Variants in FAM53B observed in about 807,000 individuals in gnomAD.
FAM53B encodes family with sequence similarity 53 member B.
A neutral mutation model predicts 32.7 loss-of-function variants in FAM53B; 12 were observed. The ratio of observed to expected loss-of-function variants is 0.37; its 90% CI spans 0.24 to 0.59. FAM53B has a LOEUF of 0.59. FAM53B is among the 20% of genes least tolerant of loss of function. FAM53B has a pLI of 0.72. For missense variants in FAM53B, 477 were observed against 577.7 expected (o/e 0.83, Z 1.79); for synonymous variants, 234 against 228.7 (o/e 1.02, Z -0.21).
intron 1 of FAM53B, chr10:124,714,242 G>A (rs1950024458): frequency 6.6e-6 from 1 of 152,106 alleles, no homozygotes; most frequent in Non-Finnish European, 1.5e-5. Context: ...GTTGAAAGCT[G>A]CCTAAGAACT....
At chr10:124,713,933 C>A (rs1326766901) in intron 1 of FAM53B, 1 of 152,196 alleles carries the variant, frequency 6.6e-6, no homozygotes, top group Admixed American at 6.5e-5. Context: ...AGCAATTCCA[C>A]AAGGTCTTTG....
intron 1 of FAM53B, among the ~76,000 whole-genome samples, chr10:124,732,792 T>C (rs1950152572): frequency 6.6e-6 from 1 of 151,132 alleles, no homozygotes; most frequent in Non-Finnish European, 1.5e-5. Context: ...ACGCCACTGC[T>C]GCACTCCAGC....
At chr10:124,631,917 T>C (rs1211537097) in intron 4 of FAM53B, among the ~76,000 whole-genome samples, 1 of 152,186 alleles carries the variant, frequency 6.6e-6, no homozygotes, top group African/African-American at 2.4e-5. Context: ...CAGGGAACCC[T>C]GACCCCACAT....
At chr10:124,735,874 A>G (rs1488204889) in intron 1 of FAM53B, among the ~76,000 whole-genome samples, 1 of 152,256 alleles carries the variant, frequency 6.6e-6, no homozygotes, top group East Asian at 1.9e-4. Context: ...ATGGCGGGCA[A>G]AGGGCAGACC....
At chr10:124,706,202 CT>C (rs779967532) in intron 2 of FAM53B, among the ~76,000 whole-genome samples, 117 of 152,334 alleles carry the variant, frequency 7.7e-4, no homozygotes, top group Middle Eastern at 3.4e-3. Flanking sequence ...ACCACACCTT[CT>C]TTCCCCATCA....
At chr10:124,659,415 A>T (rs1949615064) in intron 4 of FAM53B, among the ~76,000 whole-genome samples, 1 of 152,248 alleles carries the variant, frequency 6.6e-6, no homozygotes, top group South Asian at 2.1e-4. Flanking sequence ...CAGAGCTAAT[A>T]GCAGTGGTGG....
intron 2 of FAM53B, among the ~76,000 whole-genome samples, chr10:124,697,587 G>C (rs944467437): frequency 6.6e-6 from 1 of 152,152 alleles, no homozygotes; most frequent in Admixed American, 6.5e-5. Flanking sequence ...AGAGGTGAAG[G>C]AGGGCTCACT....
At chr10:124,719,439 C>T (rs76999455) in intron 1 of FAM53B, among the ~76,000 whole-genome samples, 221 of 152,294 alleles carry the variant, frequency 1.5e-3, no homozygotes, top group African/African-American at 5.0e-3. Flanking sequence ...GAACTCTTCT[C>T]GGCTTTTCGT....
intron 1 of FAM53B, among the ~76,000 whole-genome samples, chr10:124,711,318 C>T (rs1007010769): frequency 5.3e-5 from 8 of 151,934 alleles, no homozygotes; most frequent in African/African-American, 1.2e-4. Context: ...GGGGATGGGG[C>T]GTGGGAGCAG....
In FAM53B at chr10:124,619,845, ACCACC is replaced by A; in HGVS notation, c.*3392_*3396del. The A allele has an allele frequency of 6.6e-6, 1 of 152,424 alleles. No individual in the cohort carries two copies. The highest frequency in any genetic ancestry group is 2.1e-4 in the South Asian group (1 of 4,814). The allele number at this position is 152,424 out of a possible 1,614,324, so 9.4% of individuals were successfully genotyped here. A position where few individuals can be genotyped will look rare whatever the true frequency, so the allele number is the denominator to read the frequency against. On this transcript the variant is annotated 3_prime_UTR_variant, in exon 5 of 5. Transcript: ENST00000337318. ...GTCTGGAGTGACCGTCATTCCAGTG[ACCACC>A]CCCATAGCCACAGACGGCACGTCAG...
At chr10:124,632,734 T>C (rs1589731326) in intron 4 of FAM53B, among the ~76,000 whole-genome samples, 1 of 152,210 alleles carries the variant, frequency 6.6e-6, no homozygotes, top group African/African-American at 2.4e-5. Flanking sequence ...GTTTAGCCAC[T>C]CTTGCAGATG....
At chr10:124,729,958 C>T (rs1950130260) in intron 1 of FAM53B, among the ~76,000 whole-genome samples, 1 of 152,206 alleles carries the variant, frequency 6.6e-6, no homozygotes, top group Admixed American at 6.5e-5. Flanking sequence ...CCAAGCAAGA[C>T]AAGAGCTACA....
intron 2 of FAM53B, chr10:124,704,344 T>C (rs1430029095): frequency 6.6e-6 from 1 of 152,168 alleles, no homozygotes; most frequent in African/African-American, 2.4e-5. Flanking sequence ...AAGAGAGACA[T>C]CCTCTGCTTT....
intron 1 of FAM53B, among the ~76,000 whole-genome samples, chr10:124,728,331 T>C (rs1472049174): frequency 6.6e-6 from 1 of 152,180 alleles, no homozygotes; most frequent in Non-Finnish European, 1.5e-5. Flanking sequence ...CCTGGCCCCA[T>C]GGGAGGCTGT....
chr10:124,719,621 C>T (rs1364088062), intron 1 of FAM53B, among the ~76,000 whole-genome samples: 6 of 152,174 alleles, frequency 3.9e-5, no homozygotes, highest in Admixed American at 1.3e-4. Context: ...ACACCAGCTG[C>T]GGCTATAGCT....
chr10:124,667,034 AC>A (rs778637697), intron 4 of FAM53B, among the ~76,000 whole-genome samples: 1 of 150,672 alleles, frequency 6.6e-6, no homozygotes, highest in African/African-American at 2.4e-5. Context: ...CTGACCCCCA[AC>A]CCCCCCACAC....
intron 4 of FAM53B, among the ~76,000 whole-genome samples, chr10:124,637,348 G>A (rs1949439696): frequency 6.6e-6 from 1 of 152,190 alleles, no homozygotes; most frequent in Non-Finnish European, 1.5e-5. Flanking sequence ...CCTTGTGCTG[G>A]GCATGCCCTG....
chr10:124,736,033 G>A (rs1308477487), intron 1 of FAM53B, among the ~76,000 whole-genome samples: 1 of 152,240 alleles, frequency 6.6e-6, no homozygotes, highest in African/African-American at 2.4e-5. Flanking sequence ...AAGCACCTAG[G>A]TGGCATGCAG....
In FAM53B at chr10:124,726,288, C is replaced by T. The variant is rs181629320; in HGVS notation, c.-175+17725G>A. Among the ~76,000 whole-genome samples the T allele has an allele frequency of 2.8e-3, 423 of 152,274 alleles. 1 individual carries two copies. The highest frequency in any genetic ancestry group is 9.9e-3 in the African/African-American group (413 of 41,544). On this transcript the variant is annotated intron_variant, in intron 1 of 4. Transcript: ENST00000337318. The stretch of plus-strand genomic sequence containing the variant: ...TTGGATGGGTGGCCTACTACCCACC[C>T]CCAGCATGTCCTCTGGCCAGGCCCT...
Sources: gnomAD v4.1 joint callset for allele counts (sites outside exome capture counted in the v4.1 genomes callset) on GRCh38, gnomAD v4.1.1 for gene constraint, MANE v1.5 for transcripts, NCBI Gene and HGNC (gene_info 2026-07-23, HGNC 2026-07-21) for gene names.